The following OSBPL10 variants were observed in gnomAD, a reference collection of about 807,000 sequenced individuals.
The protein encoded by OSBPL10 is oxysterol binding protein like 10, also known as oxysterol-binding protein-related protein 10.
Under a neutral mutation model 81.7 loss-of-function variants are expected in OSBPL10, and 49 were observed. That is an observed-to-expected ratio of 0.60 (90% CI 0.48 to 0.76). OSBPL10 has a LOEUF of 0.76. Among genes scored for constraint, OSBPL10 ranks in the 30% least tolerant of loss-of-function variants. OSBPL10 has a pLI of 0.00. For missense variants in OSBPL10, 923 were observed against 987.8 expected, an observed-to-expected ratio of 0.93 and a Z score of 0.88; for synonymous variants, 419 against 383.6, an observed-to-expected ratio of 1.09 and a Z score of -1.08.
chr3:31,879,470 A>G (rs1483880400), intron 2 of OSBPL10, 185 bp downstream of exon 2: 1 of 595,554 alleles, frequency 1.7e-6, no homozygotes, highest in East Asian at 3.0e-5. Context: ...TAGGACAAGT[A>G]ATTCCTAATG....
chr3:31,719,379 G>A (rs1696560937), intron 6 of OSBPL10, among the ~76,000 whole-genome samples: 1 of 152,056 alleles, frequency 6.6e-6, no homozygotes, highest in Non-Finnish European at 1.5e-5. Context: ...TAATTAGGAA[G>A]TCCAGTAACC....
At chr3:31,993,164 C>CTTTTTTATT (rs1699052145) in intron 2 of OSBPL10, among the ~76,000 whole-genome samples, 1 of 129,032 alleles carries the variant, frequency 7.8e-6, no homozygotes, top group East Asian at 2.3e-4. Context: ...GTAAGAAAAC[C>CTTTTTTATT]TTATTTTATT....
intron 2 of OSBPL10, among the ~76,000 whole-genome samples, chr3:31,994,611 T>C (rs903180351): frequency 1.2e-4 from 19 of 152,190 alleles, no homozygotes; most frequent in Non-Finnish European, 2.5e-4. Context: ...GGTGTGCAGA[T>C]GTCTTTTCTA....
chr3:32,000,949 C>T (rs952591314), intron 2 of OSBPL10, among the ~76,000 whole-genome samples: 4 of 152,186 alleles, frequency 2.6e-5, no homozygotes, highest in Non-Finnish European at 4.4e-5. Context: ...AAAGACTGTC[C>T]TTAACCTGTG....
intron 4 of OSBPL10, among the ~76,000 whole-genome samples, chr3:31,777,156 T>C (rs1698568873): frequency 6.6e-6 from 1 of 152,186 alleles, no homozygotes; most frequent in African/African-American, 2.4e-5. Flanking sequence ...AAAACTCACA[T>C]TGTGAAGGGA....
At chr3:31,980,012 TTA>T (rs1428991457) in intron 1 of OSBPL10, among the ~76,000 whole-genome samples, 3 of 150,888 alleles carry the variant, frequency 2.0e-5, no homozygotes, top group African/African-American at 4.9e-5. Context: ...TTTTATTTAT[TTA>T]TTTTTTTTGA....
In OSBPL10 at chr3:31,912,100, C is replaced by CAA. The variant is rs142607676; in HGVS notation, c.282-32272_282-32271dup. On this transcript the variant is annotated intron_variant, in intron 1 of 11. Transcript: ENST00000396556. ...TACCATAATAAAACAATGTTTAAAT[C>CAA]AAAAAAAAAAATTGGCTGGGCGCAG... 7.5e-5 allele frequency among the ~76,000 whole-genome samples: 11 copies of CAA among 147,348 alleles called. No individual in the cohort carries two copies. In the East Asian group the frequency reaches 9.8e-4, roughly 13 times the overall value.
chr3:31,789,436 G>T (rs1323625647), intron 4 of OSBPL10, among the ~76,000 whole-genome samples: 1 of 152,118 alleles, frequency 6.6e-6, no homozygotes, highest in Non-Finnish European at 1.5e-5. Flanking sequence ...AACAGATGCT[G>T]AAGTTCTCCA....
intron 1 of OSBPL10, among the ~76,000 whole-genome samples, chr3:32,051,042 A>G (rs566789971): frequency 6.6e-6 from 1 of 152,268 alleles, no homozygotes; most frequent in Admixed American, 6.5e-5. Flanking sequence ...TATATTTAGA[A>G]GGCCTTTATG....
At position 32,007,004 on chromosome 3, in the gene OSBPL10, G is replaced by C. The variant is rs140965389; in HGVS notation, n.298+39487C>G. Among the ~76,000 whole-genome samples the C allele has an allele frequency of 6.7e-3, 1,018 of 152,160 alleles. 6 individuals carry two copies. Among genetic ancestry groups the C allele is most frequent in the African/African-American group, 0.023 (964 of 41,494 alleles). ...GCTGATCTCAAACTCCTAGCTTCAAGTAATCCTCCCACCTCATCCTCCTAA... is the reference window on the plus strand; with the variant it reads ...GCTGATCTCAAACTCCTAGCTTCAACTAATCCTCCCACCTCATCCTCCTAA... On this transcript the variant is annotated intron_variant and non_coding_transcript_variant, in intron 2 of 3. Transcript: ENST00000479173.
intron 2 of OSBPL10, among the ~76,000 whole-genome samples, chr3:32,006,539 C>T (rs1699206755): frequency 6.6e-6 from 1 of 152,134 alleles, no homozygotes; most frequent in African/African-American, 2.4e-5. Context: ...CTTCTACCCC[C>T]AAAAAGATAC....
intron 2 of OSBPL10, chr3:32,037,460 G>A (rs1208436681): frequency 5.8e-6 from 1 of 171,754 alleles, no homozygotes; most frequent in Non-Finnish European, 1.2e-5. Context: ...GACCAGACTG[G>A]GCAACATAGC....
chr3:32,020,202 G>C (rs767410165), intron 2 of OSBPL10, among the ~76,000 whole-genome samples: 14 of 152,134 alleles, frequency 9.2e-5, no homozygotes, highest in Non-Finnish European at 1.8e-4. Context: ...CCCATTGTAA[G>C]TATACAATTC....
chr3:31,731,402 CTACTT>C (rs1011056164), intron 6 of OSBPL10, among the ~76,000 whole-genome samples: 5 of 152,130 alleles, frequency 3.3e-5, no homozygotes, highest in East Asian at 1.9e-4. Flanking sequence ...ATGACTGTCT[CTACTT>C]TAATGAAAAA....
At chr3:31,828,319 T>TAA (rs1281523311) in intron 4 of OSBPL10, among the ~76,000 whole-genome samples, 2 of 152,038 alleles carry the variant, frequency 1.3e-5, no homozygotes, top group Non-Finnish European at 2.9e-5. Flanking sequence ...GTGGGGGAAA[T>TAA]AAAAACAGAT....
intron 1 of OSBPL10, among the ~76,000 whole-genome samples, chr3:31,965,644 A>T (rs866457023): frequency 1.7e-3 from 104 of 61,754 alleles, no homozygotes; most frequent in African/African-American, 6.6e-3. Context: ...ATATTATATA[A>T]ATTATATATT....
At chr3:31,872,568 G>A (rs1428536891) in intron 3 of OSBPL10, among the ~76,000 whole-genome samples, 3 of 147,500 alleles carry the variant, frequency 2.0e-5, no homozygotes, top group Non-Finnish European at 4.5e-5. Context: ...TAGCTAAAAT[G>A]TAAAGACAGA....
intron 4 of OSBPL10, among the ~76,000 whole-genome samples, chr3:31,805,243 T>C (rs1699491901): frequency 2.0e-5 from 3 of 152,130 alleles, no homozygotes; most frequent in African/African-American, 7.2e-5. Context: ...ACATTACATA[T>C]GTTAACCCTT....
At chr3:31,755,637 C>A (rs1236869086) in intron 4 of OSBPL10, among the ~76,000 whole-genome samples, 1 of 152,200 alleles carries the variant, frequency 6.6e-6, no homozygotes, top group Non-Finnish European at 1.5e-5. Flanking sequence ...TGAAGTTCAA[C>A]AATTTGACAC....
Sources: allele counts gnomAD v4.1 joint callset (sites outside exome capture counted in the v4.1 genomes callset), GRCh38; gene constraint gnomAD v4.1.1; transcripts MANE v1.5; gene names NCBI Gene and HGNC (gene_info 2026-07-23, HGNC 2026-07-21).